The following GRM4 variants were observed in gnomAD, a reference collection of about 807,000 sequenced individuals.
GRM4 encodes metabotropic glutamate receptor 4.
In GRM4, 28 loss-of-function variants were observed where a neutral mutation model predicts 81.7. The observed-to-expected ratio is 0.34, with a 90% CI of 0.25 to 0.47. The LOEUF is 0.47. Among genes scored for constraint, GRM4 ranks in the 20% least tolerant of loss-of-function variants. GRM4 has a pLI of 1.00. For synonymous variants in GRM4, 488 were observed against 528.8 expected (o/e 0.92, Z 1.06); for missense variants, 948 against 1,290.0 (o/e 0.73, Z 4.06).
Position 34,133,185 on chromosome 6 carries a change from G to A in GRM4, c.312C>T (p.Arg104=). 1.2e-6 allele frequency: 2 copies of A among 1,613,996 alleles called. No homozygotes were observed. The highest frequency in any genetic ancestry group is 1.3e-5 in the African/African-American group (1 of 75,068). The change falls in exon 2 of 11, where the codon CGC becomes CGT. Residue 104 remains arginine, a synonymous_variant. Transcript: ENST00000538487. The surrounding 1 kb of genome is among the most constrained non-coding windows in gnomAD (Gnocchi z 6.5). ...TGTCCCTGGAGCAGGTGTCCAGAAT[G>A]CGGGCGCCCAGCGTGATGTTAGGCA... ...DLLPNITLGA[R]ILDTCSRDTH... is the part of the protein sequence containing the mutation.
At chr6:34,106,392 G>C (rs1769127725) in intron 2 of GRM4, among the ~76,000 whole-genome samples, 1 of 150,850 alleles carries the variant, frequency 6.6e-6, no homozygotes, top group African/African-American at 2.4e-5. Flanking sequence ...TCCAACCTGG[G>C]AGACAGAGCA....
chr6:34,039,466 C>G (rs1764890175), intron 8 of GRM4, among the ~76,000 whole-genome samples: 1 of 152,084 alleles, frequency 6.6e-6, no homozygotes, highest in African/African-American at 2.4e-5. Context: ...TGGCTCACCC[C>G]TTCCCCTTGC....
At chr6:34,125,014 C>T (rs1769968702) in intron 2 of GRM4, among the ~76,000 whole-genome samples, 1 of 152,098 alleles carries the variant, frequency 6.6e-6, no homozygotes, top group Non-Finnish European at 1.5e-5. Flanking sequence ...CGCTCTGTCG[C>T]CCAGGCTGGA....
At chr6:34,097,339 T>C (rs572493066) in intron 2 of GRM4, among the ~76,000 whole-genome samples, 50 of 152,124 alleles carry the variant, frequency 3.3e-4, no homozygotes, top group African/African-American at 1.1e-3. Flanking sequence ...CATGTGTGCA[T>C]GTCTGTGTGT....
At chr6:34,093,412 A>G (rs1768344367) in intron 2 of GRM4, among the ~76,000 whole-genome samples, 1 of 152,362 alleles carries the variant, frequency 6.6e-6, no homozygotes, top group African/African-American at 2.4e-5. Flanking sequence ...GACTTTATTG[A>G]GCACCTATGA....
chr6:34,130,114 C>T lies in GRM4; in HGVS notation c.519+2864G>A, dbSNP rs115746428. 5.9e-5 allele frequency among the ~76,000 whole-genome samples: 9 copies of T among 152,292 alleles called. No homozygotes were observed. The highest frequency in any genetic ancestry group is 1.2e-4 in the Non-Finnish European group (8 of 68,038). ...CTCTCCTTCCCGAGGCTCCTGCTCC[C>T]GACCTCCCTCCCCAAAGTTCAATCT... On this transcript the variant is annotated intron_variant, in intron 2 of 10. Transcript: ENST00000538487. The surrounding 1 kb of genome is among the most constrained non-coding windows in gnomAD (Gnocchi z 4.1).
At chr6:34,061,818 C>T in intron 4 of GRM4, 75 bp downstream of exon 4, 1 of 1,500,856 alleles carries the variant, frequency 6.7e-7, no homozygotes, top group Non-Finnish European at 9.1e-7. Flanking sequence ...GGAAGGTCTC[C>T]AGCAGGACAG....
rs139586195 is a variant in GRM4 at position 34,094,473 on chromosome 6, G to A, written c.520-2374C>T. 7.9e-3 allele frequency among the ~76,000 whole-genome samples: 1,202 copies of A among 152,294 alleles called. 63 individuals carry two copies. The highest frequency in any genetic ancestry group is 0.074 in the Admixed American group (1,128 of 15,290). On this transcript the variant is annotated intron_variant, in intron 2 of 10. Coordinates refer to ENST00000538487, the MANE Select transcript of GRM4 (RefSeq NM_000841.4). ...ACAGCACCCTCTAAAATGTGAGCTC[G>A]GATTGGATATTTATTAATTCACTTT...
rs138822309 is a variant in GRM4 at position 34,133,933 on chromosome 6, C to T, written c.-363-74G>A. 62 of 651,192 alleles carry T rather than the reference C, an allele frequency of 9.5e-5. No individual in the cohort carries two copies. The highest frequency in any genetic ancestry group is 7.8e-4 in the Middle Eastern group (1 of 1,288). 40.3% of individuals were successfully genotyped at this position (651,192 alleles called of 1,614,324 possible). On this transcript the variant is annotated intron_variant, in intron 1 of 10. Coordinates refer to ENST00000538487, the MANE Select transcript of GRM4 (RefSeq NM_000841.4). This position sits in a 1 kb window ranked among gnomAD's most constrained non-coding sequence, Gnocchi z 6.5. ...GACATTAGCTAGTCTCATCTCTCAT[C>T]AGGAGCCTGAGAGAAGGAGATGCTA...
intron 1 of GRM4, among the ~76,000 whole-genome samples, chr6:34,138,052 T>G (rs1770535264): frequency 6.6e-6 from 1 of 152,156 alleles, no homozygotes; most frequent in African/African-American, 2.4e-5. Context: ...CCCCAATTAT[T>G]TTTCATTGAG....
intron 2 of GRM4, among the ~76,000 whole-genome samples, chr6:34,117,341 G>C (rs955401364): frequency 6.6e-6 from 1 of 152,156 alleles, no homozygotes; most frequent in African/African-American, 2.4e-5. Context: ...GGCGAGACAG[G>C]CTGGGCCAGC....
Position 34,102,095 on chromosome 6 carries a change from A to C in GRM4, c.520-9996T>G, listed in dbSNP as rs377130029. ...TTTTCTCTTGGCGCCATCATGGGGAAATAGCTTGGGAAGAGTTTGCACCAT... is the reference window on the plus strand; with the variant it reads ...TTTTCTCTTGGCGCCATCATGGGGACATAGCTTGGGAAGAGTTTGCACCAT... On this transcript the variant is annotated intron_variant, in intron 2 of 10. Coordinates refer to ENST00000538487, the MANE Select transcript of GRM4 (RefSeq NM_000841.4). The C allele has an allele frequency of 6.5e-6, 10 of 1,535,570 alleles. 1 individual carries two copies. The East Asian group carries it at 7.3e-5, about 11-fold the overall frequency.
At position 34,019,538 on chromosome 6, in the gene GRM4, A is replaced by T. The variant is rs1489559418; in HGVS notation, c.*3283T>A. On this transcript the variant is annotated 3_prime_UTR_variant, in exon 11 of 11. Transcript: ENST00000538487. ...AGTTCAGGTCCAGTGTTCTGGAGGG[A>T]GCCCAGCGTCTCTATTGTCTAGAAG... is the stretch of plus-strand genomic sequence containing the variant. 6.6e-6 allele frequency: 1 copy of T among 152,012 alleles called. No individual in the cohort carries two copies. The highest frequency in any genetic ancestry group is 1.5e-5 in the Non-Finnish European group (1 of 68,048). The allele number at this position is 152,012 out of a possible 1,614,324, so 9.4% of individuals were successfully genotyped here. A position where few individuals can be genotyped will look rare whatever the true frequency, so the allele number is the denominator to read the frequency against.
rs972672082 is a variant in GRM4, at chr6:34,070,399, G to A, written c.737-8371C>T. The stretch of plus-strand genomic sequence containing the variant: ...CAGGAAATCGGCCTGCAAAGGATGA[G>A]CAAGTGAAGAAAGGTGCATGCTGGC... On this transcript the variant is annotated intron_variant, in intron 3 of 10. Transcript: ENST00000538487. This position sits in a 1 kb window ranked among gnomAD's most constrained non-coding sequence, Gnocchi z 4.6. Among the ~76,000 whole-genome samples, 2 of 152,164 alleles carry A rather than the reference G, an allele frequency of 1.3e-5. No individual in the cohort carries two copies. Among genetic ancestry groups the A allele is most frequent in the African/African-American group, 4.8e-5 (2 of 41,428 alleles).
At chr6:34,132,896 C>T (rs1017452610) in intron 2 of GRM4, 82 bp downstream of exon 2, 4 of 1,170,184 alleles carry the variant, frequency 3.4e-6, no homozygotes, top group South Asian at 3.0e-5. Flanking sequence ...AGGGGCTGGT[C>T]GGCCAGGCCT....
Position 34,059,083 on chromosome 6 carries a change from G to T in GRM4, c.918C>A (p.Phe306Leu). 6.2e-7 allele frequency: 1 copy of T among 1,613,916 alleles called. No individual in the cohort carries two copies. The highest frequency in any genetic ancestry group is 8.5e-7 in the Non-Finnish European group (1 of 1,179,926). ...CCCAGCTGTCAGAGCCCATCCAGAAGAAATGGCCTGTCTGGTTGGCCCTTC... is the reference window on the plus strand; with the variant it reads ...CCCAGCTGTCAGAGCCCATCCAGAATAAATGGCCTGTCTGGTTGGCCCTTC... ...AARRANQTGH[F>L]FWMGSDSWGS... The change falls in exon 5 of 11, where the codon TTC becomes TTA. Residue 306 changes from phenylalanine (F) to leucine (L), a missense_variant. Phe to Leu is a conservative substitution (Grantham distance 22). Coordinates refer to ENST00000538487, the MANE Select transcript of GRM4 (RefSeq NM_000841.4). The surrounding 1 kb of genome is among the most constrained non-coding windows in gnomAD (Gnocchi z 5.7).
rs1334187044 is a variant in GRM4 at position 34,121,552 on chromosome 6, T to G, written c.519+11426A>C. On this transcript the variant is annotated intron_variant, in intron 2 of 10. Transcript: ENST00000538487. The surrounding 1 kb of genome is among the most constrained non-coding windows in gnomAD (Gnocchi z 4.6). ...CTCCCCCTCCAGGAGATTTCAACTC[T>G]GATAGTTTTCAATCCCTCTTCGCCC... Among the ~76,000 whole-genome samples, 2 of 152,186 alleles carry G rather than the reference T, an allele frequency of 1.3e-5. No individual in the cohort carries two copies. The highest frequency in any genetic ancestry group is 1.3e-4 in the Admixed American group (2 of 15,280).
At chr6:34,110,576 T>C in intron 2 of GRM4, 2 of 635,412 alleles carry the variant, frequency 3.1e-6, no homozygotes, top group South Asian at 1.9e-5. Context: ...TTGAATGTCA[T>C]CTTCTCAGAG....
intron 1 of GRM4, among the ~76,000 whole-genome samples, chr6:34,143,307 G>A (rs945525630): frequency 2.8e-5 from 4 of 143,630 alleles, no homozygotes; most frequent in African/African-American, 9.9e-5. Context: ...CCCGCCCACC[G>A]CACCCCAAGG....
Sources: gnomAD v4.1 joint callset for allele counts (sites outside exome capture counted in the v4.1 genomes callset) on GRCh38, gnomAD v4.1.1 for gene constraint, Gnocchi (gnomAD v3.1) non-coding constraint, MANE v1.5 for transcripts, NCBI Gene and HGNC (gene_info 2026-07-23, HGNC 2026-07-21) for gene names.